Variants in PCDHGB2 observed in about 807,000 individuals in gnomAD.
The protein encoded by PCDHGB2 is protocadherin gamma-B2.
In PCDHGB2, 55 loss-of-function variants were observed where a neutral mutation model predicts 59.3. That is an observed-to-expected ratio of 0.93 (90% confidence interval 0.75 to 1.16). The LOEUF (loss-of-function observed/expected upper bound fraction) is 1.16. Among genes scored for constraint, PCDHGB2 ranks in the 50% most tolerant of loss-of-function variants. PCDHGB2 has a pLI of 0.00. For synonymous variants in PCDHGB2, 516 were observed against 512.0 expected (o/e 1.01, Z -0.11); for missense variants, 1,228 against 1,198.5 (o/e 1.02, Z -0.36).
Position 141,484,782 on chromosome 5 carries a change from C to A in PCDHGB2, c.2422-10025C>A, listed in dbSNP as rs572593816. 2.0e-5 allele frequency among the ~76,000 whole-genome samples: 3 copies of A among 152,066 alleles called. No homozygotes were observed. In the South Asian group the frequency reaches 6.3e-4, roughly 32 times the overall value. On this transcript the variant is annotated intron_variant, in intron 1 of 3. Transcript: ENST00000522605. Reference sequence around the variant, plus strand: ...TATATATATGTTGTCTGCCTCCCCACAGAGATAACAACCCGTGGAAAAACA... The same window carrying A: ...TATATATATGTTGTCTGCCTCCCCAAAGAGATAACAACCCGTGGAAAAACA...
rs1374646530 is a variant in PCDHGB2, at chr5:141,431,339, T to C, written c.2422-63468T>C. ...AGCCGACGGTAGTAAGTACCCCGAA[T>C]TGGTGCTGAAACGCGCCCTGGACCG... On this transcript the variant is annotated intron_variant, in intron 1 of 3. Coordinates refer to ENST00000522605, the MANE Select transcript of PCDHGB2 (RefSeq NM_018923.3). This position sits in a 1 kb window ranked among gnomAD's most constrained non-coding sequence, Gnocchi z 4.8. 1 of 1,614,060 alleles carries C rather than the reference T, an allele frequency of 6.2e-7. No individual in the cohort carries two copies. The highest frequency in any genetic ancestry group is 8.5e-7 in the Non-Finnish European group (1 of 1,180,024).
At chr5:141,433,848 A>AAC (rs1403081382) in intron 1 of PCDHGB2, among the ~76,000 whole-genome samples, 1 of 151,964 alleles carries the variant, frequency 6.6e-6, no homozygotes, top group South Asian at 2.1e-4. Context: ...AAAAAAAAAA[A>AAC]AAAAAAACTT....
In PCDHGB2 at chr5:141,498,823, C is replaced by A. The variant is rs540865523; in HGVS notation, c.2480+3958C>A. ...TGGTGCACACCTGTAGTCCCAGCTA[C>A]TCAGGAGGCTGAGGCAGGGGAATCG... On this transcript the variant is annotated intron_variant, in intron 2 of 3. Coordinates refer to ENST00000522605, the MANE Select transcript of PCDHGB2 (RefSeq NM_018923.3). Among the ~76,000 whole-genome samples the A allele has an allele frequency of 9.2e-5, 14 of 152,166 alleles. No homozygotes were observed. The East Asian group carries it at 1.5e-3, about 17-fold the overall frequency.
intron 1 of PCDHGB2, among the ~76,000 whole-genome samples, chr5:141,472,527 G>A (rs905459978): frequency 1.3e-5 from 2 of 151,468 alleles, no homozygotes; most frequent in African/African-American, 4.9e-5. Flanking sequence ...GTGACAGAGT[G>A]AGACACCATC....
chr5:141,414,767 AGCTACAGAT>A, intron 1 of PCDHGB2: 2 of 1,614,190 alleles, frequency 1.2e-6, no homozygotes, highest in Middle Eastern at 1.6e-4. Flanking sequence ...CAGTTTCATG[AGCTACAGAT>A]GCAGGTGACA....
intron 1 of PCDHGB2, chr5:141,388,133 G>C: frequency 6.9e-7 from 1 of 1,450,894 alleles, no homozygotes. Flanking sequence ...AGAGCGGGGA[G>C]TTGCTTGTGA....
At chr5:141,376,273 T>A in intron 1 of PCDHGB2, 2 of 1,614,102 alleles carry the variant, frequency 1.2e-6, no homozygotes, top group Non-Finnish European at 1.7e-6. Flanking sequence ...CTTCGGGAGG[T>A]GGCTTAGCGA....
Position 141,486,486 on chromosome 5 carries a change from A to G in PCDHGB2, c.2422-8321A>G. The G allele has an allele frequency of 6.2e-7, 1 of 1,614,056 alleles. No individual in the cohort carries two copies. Among genetic ancestry groups the G allele is most frequent in the South Asian group, 1.1e-5 (1 of 91,084 alleles). ...GCTGGGAACCCTCCTCTCAGTACCC[A>G]CAGAACTATTTTCCTCAATATTTCA... On this transcript the variant is annotated intron_variant, in intron 1 of 3. Coordinates refer to ENST00000522605, the MANE Select transcript of PCDHGB2 (RefSeq NM_018923.3). The surrounding 1 kb of genome is among the most constrained non-coding windows in gnomAD (Gnocchi z 5.0).
chr5:141,419,656 G>C lies in PCDHGB2; in HGVS notation c.2421+57100G>C. The C allele has an allele frequency of 1.9e-6, 3 of 1,612,648 alleles. No homozygotes were observed. The East Asian group carries it at 6.7e-5, about 36-fold the overall frequency. ...TGGTGGCCGTGGACGCGGACTCGGGGCACAATGCCTGGCTGTCCTACCACG... is the reference window on the plus strand; with the variant it reads ...TGGTGGCCGTGGACGCGGACTCGGGCCACAATGCCTGGCTGTCCTACCACG... On this transcript the variant is annotated intron_variant, in intron 1 of 3. Transcript: ENST00000522605.
chr5:141,428,331 G>A, intron 1 of PCDHGB2: 2 of 625,576 alleles, frequency 3.2e-6, no homozygotes, highest in East Asian at 2.9e-5. Context: ...TGATTTCTAT[G>A]CTCTTCTTCC....
At chr5:141,399,837 C>T in intron 1 of PCDHGB2, 4 of 1,613,130 alleles carry the variant, frequency 2.5e-6, no homozygotes, top group Non-Finnish European at 3.4e-6. Context: ...GCTCTGCGCT[C>T]TTCGATATGG....
intron 1 of PCDHGB2, chr5:141,410,202 A>C (rs766392835): frequency 1.3e-5 from 21 of 1,614,018 alleles, no homozygotes; most frequent in Non-Finnish European, 1.6e-5. Context: ...TTCGCAGACA[A>C]CTTGCAAGAG....
At chr5:141,409,098 G>A in intron 1 of PCDHGB2, 2 of 1,613,994 alleles carry the variant, frequency 1.2e-6, no homozygotes, top group Non-Finnish European at 1.7e-6. Flanking sequence ...GAGAAAACAG[G>A]TATGATTAAG....
rs1012728568 is a variant in PCDHGB2 at position 141,495,487 on chromosome 5, T to C, written c.2480+622T>C. Among the ~76,000 whole-genome samples, 22 of 152,328 alleles carry C rather than the reference T, an allele frequency of 1.4e-4. 1 individual carries two copies. The East Asian group carries it at 4.1e-3, about 28-fold the overall frequency. ...GGGGTCTCCGTGTCTCTGCCCCTTT[T>C]TCTTGAGTTTCCGTCTTTGCCACTT... On this transcript the variant is annotated intron_variant, in intron 2 of 3. Coordinates refer to ENST00000522605, the MANE Select transcript of PCDHGB2 (RefSeq NM_018923.3).
intron 1 of PCDHGB2, among the ~76,000 whole-genome samples, chr5:141,460,958 T>C (rs182414946): frequency 8.2e-6 from 1 of 121,926 alleles, no homozygotes; most frequent in Non-Finnish European, 1.6e-5. Context: ...TATGTATATA[T>C]ATATGTGTGT....
rs368884524 is a variant in PCDHGB2 at position 141,409,933 on chromosome 5, G to A, written c.2421+47377G>A. On this transcript the variant is annotated intron_variant, in intron 1 of 3. Coordinates refer to ENST00000522605, the MANE Select transcript of PCDHGB2 (RefSeq NM_018923.3). ...CTGACGGCTCCGCGTTCTTCGATAT[G>A]GTACCTCGCTCTGCAGAGCCCGGCT... 50 of 1,613,236 alleles carry A rather than the reference G, an allele frequency of 3.1e-5. No homozygotes were observed. The highest frequency in any genetic ancestry group is 4.1e-5 in the Non-Finnish European group (48 of 1,179,790).
chr5:141,373,942 G>A (rs915722802), intron 1 of PCDHGB2: 1 of 734,324 alleles, frequency 1.4e-6, no homozygotes, highest in African/African-American at 1.8e-5. Flanking sequence ...CAGGAAAGCT[G>A]TGCAGAAATT....
At chr5:141,470,780 T>G (rs1436746772) in intron 1 of PCDHGB2, among the ~76,000 whole-genome samples, 1 of 152,194 alleles carries the variant, frequency 6.6e-6, no homozygotes, top group Non-Finnish European at 1.5e-5. Flanking sequence ...CTTGAATTCC[T>G]GGGCTCAAGC....
chr5:141,422,922 C>T (rs1244444241), intron 1 of PCDHGB2: 1 of 1,614,130 alleles, frequency 6.2e-7, no homozygotes, highest in Non-Finnish European at 8.5e-7. Flanking sequence ...AGATCCTGTA[C>T]CCTGCCCTCC....
Sources: gnomAD v4.1 joint callset for allele counts (sites outside exome capture counted in the v4.1 genomes callset) on GRCh38, gnomAD v4.1.1 for gene constraint, Gnocchi (gnomAD v3.1) non-coding constraint, MANE v1.5 for transcripts, NCBI Gene and HGNC (gene_info 2026-07-23, HGNC 2026-07-21) for gene names.